Variants in RASEF observed in about 807,000 individuals in gnomAD.
RASEF encodes RAS and EF-hand domain containing.
RASEF carries 68 observed loss-of-function variants against 90.1 expected under a neutral mutation model. The observed-to-expected ratio is 0.75, with a 90% CI of 0.62 to 0.92. The LOEUF (loss-of-function observed/expected upper bound fraction) is 0.92. Ranked by LOEUF, RASEF falls within the 40% of genes least tolerant of loss-of-function variation. RASEF has a pLI of 0.00. For synonymous variants in RASEF, 331 were observed against 345.2 expected (o/e 0.96, Z 0.46); for missense variants, 949 against 937.2 (o/e 1.01, Z -0.16).
chr9:83,067,121 A>G (rs948112962), upstream of RASEF, among the ~76,000 whole-genome samples: 1 of 152,220 alleles, frequency 6.6e-6, no homozygotes, highest in Non-Finnish European at 1.5e-5. Flanking sequence ...GATTTCCTTC[A>G]GGTACGAGAG....
the RASEF span, among the ~76,000 whole-genome samples, chr9:83,080,600 C>T: frequency 6.6e-6 from 1 of 151,072 alleles, no homozygotes; most frequent in African/African-American, 2.4e-5. Context: ...AGTAACAGAA[C>T]ACATGTATCT....
chr9:83,086,377 G>C, the RASEF span, among the ~76,000 whole-genome samples: 2 of 152,124 alleles, frequency 1.3e-5, no homozygotes, highest in Non-Finnish European at 2.9e-5. Flanking sequence ...AGCAGAAACT[G>C]TCTGGAGGTC....
chr9:83,079,614 A>T, the RASEF span, among the ~76,000 whole-genome samples: 2 of 152,226 alleles, frequency 1.3e-5, no homozygotes, highest in African/African-American at 4.8e-5. Context: ...ACAATTCAAT[A>T]TGAGATTTGG....
intron 1 of RASEF, among the ~76,000 whole-genome samples, chr9:83,061,172 C>A (rs1830194358): frequency 6.6e-6 from 1 of 152,110 alleles, no homozygotes; most frequent in Admixed American, 6.5e-5. Context: ...TTGCTACTTC[C>A]CTGGTTGGGG....
intron 1 of RASEF, among the ~76,000 whole-genome samples, chr9:83,057,846 CATATAT>C (rs66535022): frequency 0.54 from 77,104 of 143,286 alleles, 20,441 homozygotes; most frequent in East Asian, 0.66. Flanking sequence ...TTCATATATA[CATATAT>C]ATATATATAT....
chr9:83,158,088 G>A, the RASEF span, among the ~76,000 whole-genome samples: 15 of 151,992 alleles, frequency 9.9e-5, no homozygotes, highest in African/African-American at 2.7e-4. Context: ...TTGAGTCCAC[G>A]TTTTTCTGTA....
intron 1 of RASEF, among the ~76,000 whole-genome samples, chr9:83,041,912 C>T (rs1361447536): frequency 1.3e-5 from 2 of 152,180 alleles, no homozygotes; most frequent in Non-Finnish European, 2.9e-5. Flanking sequence ...TCTGCAAACA[C>T]CATCTGCCAA....
At chr9:82,984,393 AAGGTGCTGATAAATCCT>A (rs1403280222) in intron 16 of RASEF, among the ~76,000 whole-genome samples, 1 of 152,172 alleles carries the variant, frequency 6.6e-6, no homozygotes, top group African/African-American at 2.4e-5. Context: ...TTAGCTGCAG[AAGGTGCTGATAAATCCT>A]ACCTTTCGAA....
At chr9:82,993,101 A>G in intron 14 of RASEF, 76 bp from the exon 15 acceptor site, 2 of 1,481,390 alleles carry the variant, frequency 1.4e-6, no homozygotes, top group Non-Finnish European at 1.8e-6. Flanking sequence ...CAACAGCAAC[A>G]GCAATTACCA....
chr9:82,988,713 C>T (rs981157381), intron 16 of RASEF, among the ~76,000 whole-genome samples: 31 of 152,158 alleles, frequency 2.0e-4, no homozygotes, highest in African/African-American at 3.9e-4. Flanking sequence ...GCTGGCTCCC[C>T]GTCACCTTCC....
At chr9:83,146,498 C>A in the RASEF span, among the ~76,000 whole-genome samples, 2 of 152,208 alleles carry the variant, frequency 1.3e-5, no homozygotes, top group East Asian at 3.9e-4. Context: ...AAGAAAGAAT[C>A]CAATATTTGC....
At chr9:83,138,461 A>G in the RASEF span, among the ~76,000 whole-genome samples, 1 of 152,230 alleles carries the variant, frequency 6.6e-6, no homozygotes, top group East Asian at 1.9e-4. Context: ...ACTTGACACC[A>G]TAAAAATGCC....
At chr9:83,017,706 G>T (rs62561896) in intron 3 of RASEF, among the ~76,000 whole-genome samples, 17,323 of 152,186 alleles carry the variant, frequency 0.11, 1,902 homozygotes, top group African/African-American at 0.29. Context: ...ACTCATTCTA[G>T]GAGACCAGAA....
At position 83,062,568 on chromosome 9, in the gene RASEF, G is replaced by A. The variant is rs544330246; in HGVS notation, c.300C>T (p.His100=). 15 of 1,590,432 alleles carry A rather than the reference G, an allele frequency of 9.4e-6. No individual in the cohort carries two copies. Among genetic ancestry groups the A allele is most frequent in the African/African-American group, 1.3e-5 (1 of 74,508 alleles). ...PAVSEAGPET[H]DSEEDEGDED... is the part of the protein sequence containing the mutation. ...CGTCGCCTTCGTCCTCCTCGCTGTC[G>A]TGTGTCTCCGGCCCCGCCTCAGACA... The change falls in exon 1 of 17, where the codon CAC becomes CAT. Residue 100 remains histidine, a synonymous_variant. Transcript: ENST00000376447.
intron 12 of RASEF, among the ~76,000 whole-genome samples, chr9:82,999,207 ATTATGCAAAT>A (rs915886257): frequency 7.7e-6 from 1 of 129,086 alleles, no homozygotes; most frequent in Non-Finnish European, 1.7e-5. Flanking sequence ...TCCTTTTACT[ATTATGCAAAT>A]TTGGGAAATC....
chr9:83,039,023 TTTTTG>T (rs898876573), intron 1 of RASEF, among the ~76,000 whole-genome samples: 1 of 152,198 alleles, frequency 6.6e-6, no homozygotes, highest in Non-Finnish European at 1.5e-5. Context: ...TGTTCTGGTT[TTTTTG>T]TTTTGTTTTT....
In RASEF at chr9:82,982,701, C is replaced by T. The variant is rs1828632041; in HGVS notation, c.2199G>A (p.Gln733=). The part of the protein sequence containing the change: ...LTGTNSKKSP[Q]MKNCCNG ...TTTAGCCATTGCAACAATTCTTCAT[C>T]TGTGGTGACTTTTTGGAATTGGTCC... is the stretch of plus-strand genomic sequence containing the variant. The change falls in exon 17 of 17, where the codon CAG becomes CAA. Residue 733 remains glutamine, a synonymous_variant. Coordinates refer to ENST00000376447, the MANE Select transcript of RASEF (RefSeq NM_152573.4). 1.2e-6 allele frequency: 2 copies of T among 1,600,968 alleles called. No individual in the cohort carries two copies. Among genetic ancestry groups the T allele is most frequent in the East Asian group, 4.5e-5 (2 of 44,770 alleles).
chr9:83,150,866 A>T, the RASEF span, among the ~76,000 whole-genome samples: 1 of 152,238 alleles, frequency 6.6e-6, no homozygotes, highest in Non-Finnish European at 1.5e-5. Context: ...AACTGCAACC[A>T]AAGTGAGCTC....
intron 14 of RASEF, among the ~76,000 whole-genome samples, chr9:82,996,287 T>C (rs1464403078): frequency 6.6e-6 from 1 of 152,242 alleles, no homozygotes; most frequent in Non-Finnish European, 1.5e-5. Flanking sequence ...TTGAAAAGTT[T>C]ATTTTTCAAG....
Sources: allele counts gnomAD v4.1 joint callset (sites outside exome capture counted in the v4.1 genomes callset), GRCh38; gene constraint gnomAD v4.1.1; transcripts MANE v1.5; gene names NCBI Gene and HGNC (gene_info 2026-07-23, HGNC 2026-07-21).